ZNF536: variants seen among roughly 807,000 people sequenced by gnomAD.
ZNF536 encodes the protein zinc finger protein 536.
In ZNF536, 13 loss-of-function variants were observed where a neutral mutation model predicts 84.5. The observed-to-expected ratio is 0.15, with a 90% CI of 0.10 to 0.24. ZNF536 has a LOEUF of 0.24. Among genes scored for constraint, ZNF536 ranks in the 10% least tolerant of loss-of-function variants. ZNF536 has a pLI of 1.00. For synonymous variants in ZNF536, 811 were observed against 742.5 expected (o/e 1.09, Z -1.50); for missense variants, 1,536 against 1,747.5 (o/e 0.88, Z 2.16).
At chr19:30,374,430 A>C (rs1227105291) in intron 1 of ZNF536, among the ~76,000 whole-genome samples, 3 of 152,178 alleles carry the variant, frequency 2.0e-5, no homozygotes, top group African/African-American at 4.8e-5. Flanking sequence ...ATTGCTCTGT[A>C]CTAATGTGTT....
chr19:30,452,073 C>T (rs2052632233), intron 2 of ZNF536, among the ~76,000 whole-genome samples: 1 of 152,198 alleles, frequency 6.6e-6, no homozygotes. Flanking sequence ...GCTTTGCAGA[C>T]AGCCACAAGG....
At chr19:30,299,509 A>G (rs1396632896) in intron 2 of ZNF536, among the ~76,000 whole-genome samples, 2 of 152,222 alleles carry the variant, frequency 1.3e-5, no homozygotes, top group Non-Finnish European at 2.9e-5. Context: ...TTGATCCTTC[A>G]AAAGCCAGAA....
In ZNF536 at chr19:30,649,549, CTT is replaced by C. The variant is rs35137042; in HGVS notation, c.170-61191_170-61190del. ...TGATATTTATTAAAGCAGCATTTTC[CTT>C]TTTTTTTTTTTTTTTTGCTATTGTG... On this transcript the variant is annotated intron_variant, in intron 1 of 1. Coordinates refer to the ZNF536 transcript ENST00000592773. Among the ~76,000 whole-genome samples the C allele has an allele frequency of 8.8e-3, 1,084 of 123,846 alleles. 7 individuals are homozygous for C. Among genetic ancestry groups the C allele is most frequent in the African/African-American group, 8.0e-3 (263 of 32,986 alleles). The allele number at this position is 123,846 out of a possible 152,430, so 81.2% of individuals were successfully genotyped here.
chr19:30,462,010 C>A (rs139716227), intron 2 of ZNF536, among the ~76,000 whole-genome samples: 1 of 152,198 alleles, frequency 6.6e-6, no homozygotes. Context: ...TCTAATCCTC[C>A]GGCCTGGTCA....
At chr19:30,515,216 C>T (rs531687404) in intron 2 of ZNF536, among the ~76,000 whole-genome samples, 6 of 152,244 alleles carry the variant, frequency 3.9e-5, no homozygotes, top group South Asian at 4.1e-4. Context: ...GAGTTATGAT[C>T]GTACCACTGC....
At chr19:30,622,376 G>A (rs1285756693) in intron 1 of ZNF536, among the ~76,000 whole-genome samples, 1 of 152,212 alleles carries the variant, frequency 6.6e-6, no homozygotes, top group Non-Finnish European at 1.5e-5. Context: ...TGGTTTTTGG[G>A]GGACAGCCTA....
Position 30,439,659 on chromosome 19 carries a change from C to G in ZNF536, c.-2-3902C>G, listed in dbSNP as rs1368022188. ...AAGCTGACTGTCGTGGTCCTTTCTC[C>G]CAGTAAGGCTCTGTGCAGGCTTCTC... On this transcript the variant is annotated intron_variant, in intron 1 of 4. Transcript: ENST00000355537. 2.0e-5 allele frequency among the ~76,000 whole-genome samples: 3 copies of G among 152,174 alleles called. No homozygotes were observed. The East Asian group carries it at 5.8e-4, about 29-fold the overall frequency.
chr19:30,554,591 A>G (rs927491657), intron 4 of ZNF536: 1 of 152,152 alleles, frequency 6.6e-6, no homozygotes, highest in Non-Finnish European at 1.5e-5. Flanking sequence ...AGTCTAAAGC[A>G]ACAGGCAGCA....
At chr19:30,361,355 T>C (rs962369703) in intron 3 of ZNF536, among the ~76,000 whole-genome samples, 1 of 151,974 alleles carries the variant, frequency 6.6e-6, no homozygotes, top group African/African-American at 2.4e-5. Flanking sequence ...TTCTTTTTTC[T>C]TTTCTTTTCT....
chr19:30,682,898 A>G (rs1409967651), intron 1 of ZNF536, among the ~76,000 whole-genome samples: 1 of 152,212 alleles, frequency 6.6e-6, no homozygotes, highest in African/African-American at 2.4e-5. Flanking sequence ...CCATGACGAC[A>G]AGATGGTATA....
intron 2 of ZNF536, among the ~76,000 whole-genome samples, chr19:30,341,009 A>G (rs977341013): frequency 2.4e-4 from 37 of 152,222 alleles, no homozygotes; most frequent in African/African-American, 7.0e-4. Flanking sequence ...TGTTTTTTCA[A>G]TCTGTGACCC....
chr19:30,641,387 G>A (rs1315643719), intron 1 of ZNF536, among the ~76,000 whole-genome samples: 1 of 152,130 alleles, frequency 6.6e-6, no homozygotes, highest in Non-Finnish European at 1.5e-5. Flanking sequence ...AGCTTTTATG[G>A]AATTGTAATC....
At chr19:30,597,549 AT>A (rs1285608200) in intron 1 of ZNF536, among the ~76,000 whole-genome samples, 3 of 152,248 alleles carry the variant, frequency 2.0e-5, no homozygotes, top group African/African-American at 7.2e-5. Flanking sequence ...TAGTAGGGTT[AT>A]AATTAAGAGC....
In ZNF536 at chr19:30,411,867, T is replaced by TA. The variant is rs777946134; in HGVS notation, c.-2-31687dup. ...TTGACTTGGATTTATAGATTAATTT[T>TA]AAAAAAATTTATGTATTTATGATAT... On this transcript the variant is annotated intron_variant, in intron 1 of 4. Coordinates refer to ENST00000355537, the MANE Select transcript of ZNF536 (RefSeq NM_014717.3). Among the ~76,000 whole-genome samples, 23 of 152,206 alleles carry TA rather than the reference T, an allele frequency of 1.5e-4. 1 individual carries two copies. The highest frequency in any genetic ancestry group is 4.6e-4 in the Admixed American group (7 of 15,298).
chr19:30,493,921 C>T (rs1013054666), intron 2 of ZNF536, among the ~76,000 whole-genome samples: 5 of 152,130 alleles, frequency 3.3e-5, no homozygotes, highest in South Asian at 4.1e-4. Flanking sequence ...GCAACTCTTC[C>T]GAGAAGCACA....
chr19:30,497,553 C>T (rs978265813), intron 2 of ZNF536, among the ~76,000 whole-genome samples: 1 of 152,128 alleles, frequency 6.6e-6, no homozygotes, highest in African/African-American at 2.4e-5. Context: ...GTTAACAGAG[C>T]CATAAAGATG....
At chr19:30,633,227 A>G (rs1189332037) in intron 1 of ZNF536, among the ~76,000 whole-genome samples, 2 of 152,228 alleles carry the variant, frequency 1.3e-5, no homozygotes, top group African/African-American at 2.4e-5. Context: ...AAACGCTTCC[A>G]CAGGAATAGA....
At chr19:30,709,230 T>G (rs1013668418) in intron 1 of ZNF536, among the ~76,000 whole-genome samples, 5 of 152,164 alleles carry the variant, frequency 3.3e-5, no homozygotes, top group African/African-American at 9.7e-5. Flanking sequence ...CTAGGAAGGT[T>G]TCATTTCAAG....
At chr19:30,658,862 G>A (rs1256333946) in intron 1 of ZNF536, among the ~76,000 whole-genome samples, 2 of 152,212 alleles carry the variant, frequency 1.3e-5, no homozygotes, top group African/African-American at 4.8e-5. Context: ...TTTCTTGAAT[G>A]CGTACATAAG....
Sources: allele counts gnomAD v4.1 joint callset (sites outside exome capture counted in the v4.1 genomes callset), GRCh38; gene constraint gnomAD v4.1.1; transcripts MANE v1.5; gene names NCBI Gene and HGNC (gene_info 2026-07-23, HGNC 2026-07-21).